MYH9: variants seen among roughly 807,000 people sequenced by gnomAD.
MYH9 encodes the protein myosin-9.
MYH9 carries 29 observed loss-of-function variants against 241.9 expected under a neutral mutation model. That is an observed-to-expected ratio of 0.12 (90% CI 0.09 to 0.16). The LOEUF is 0.16. MYH9 is among the 10% of genes least tolerant of loss of function. The pLI is 1.00. For missense variants in MYH9, 1,803 were observed against 2,595.5 expected, an observed-to-expected ratio of 0.69 and a Z score of 6.63; for synonymous variants, 1,047 against 1,062.6, an observed-to-expected ratio of 0.99 and a Z score of 0.29.
intron 6 of MYH9, 77 bp from the exon 7 acceptor site, chr22:36,321,898 C>T: frequency 7.8e-7 from 1 of 1,289,782 alleles, no homozygotes; most frequent in Non-Finnish European, 1.1e-6. Context: ...AGACCACAGC[C>T]CCCCGCCCCA....
intron 14 of MYH9, among the ~76,000 whole-genome samples, chr22:36,311,203 G>T (rs956017444): frequency 6.6e-6 from 1 of 152,230 alleles, no homozygotes; most frequent in Non-Finnish European, 1.5e-5. Context: ...ACCAGCTTTT[G>T]TCTAAGCATG....
chr22:36,324,766 G>A (rs1019045320), intron 5 of MYH9, among the ~76,000 whole-genome samples: 5 of 152,238 alleles, frequency 3.3e-5, no homozygotes, highest in African/African-American at 4.8e-5. Context: ...GAAGCCTGGG[G>A]CAACCTACTC....
rs2017512744 is a variant in MYH9 at position 36,337,158 on chromosome 22, G to T, written c.490+4212C>A. On this transcript the variant is annotated intron_variant, in intron 3 of 40. Coordinates refer to ENST00000216181, the MANE Select transcript of MYH9 (RefSeq NM_002473.6). ...GTAGTTCTTAACTGGGAATAATCTT[G>T]CCCCCCACGGAAACTTGATGGCAAT... Among the ~76,000 whole-genome samples the T allele has an allele frequency of 2.0e-5, 3 of 152,126 alleles. 1 individual carries two copies. In the South Asian group the frequency reaches 6.2e-4, roughly 31 times the overall value.
intron 31 of MYH9, among the ~76,000 whole-genome samples, chr22:36,291,276 T>G (rs2016696915): frequency 1.3e-5 from 2 of 152,318 alleles, no homozygotes; most frequent in African/African-American, 2.4e-5. Context: ...AATCGGATGG[T>G]TGCCGTGTCT....
chr22:36,353,248 A>G (rs1348777018), intron 1 of MYH9, among the ~76,000 whole-genome samples: 1 of 152,210 alleles, frequency 6.6e-6, no homozygotes, highest in Admixed American at 6.5e-5. Context: ...AAGAGCTGCT[A>G]AAAATTCAAT....
Position 36,294,126 on chromosome 22 carries a change from C to A in MYH9, c.3803G>T (p.Arg1268Leu). 6.2e-6 allele frequency: 10 copies of A among 1,611,006 alleles called. No homozygotes were observed. Among genetic ancestry groups the A allele is most frequent in the Non-Finnish European group, 7.6e-6 (9 of 1,179,962 alleles). Reference sequence around the variant, plus strand: ...GGTGACCTTGTCGGCCAGCTCTGTGCGCACGCGCTCTCCCTCGTTGAACTT... The same window carrying A: ...GGTGACCTTGTCGGCCAGCTCTGTGAGCACGCGCTCTCCCTCGTTGAACTT... The part of the protein sequence containing the change: ...QVKFNEGERV[R>L]TELADKVTKL... The change falls in exon 28 of 41, where the codon CGC becomes CTC. Residue 1268 changes from arginine (R) to leucine (L), a missense_variant. Physicochemically the swap from Arg to Leu is moderately radical, Grantham distance 102. Coordinates refer to ENST00000216181, the MANE Select transcript of MYH9 (RefSeq NM_002473.6).
At chr22:36,385,706 CA>C in intron 1 of MYH9, among the ~76,000 whole-genome samples, 1 of 152,204 alleles carries the variant, frequency 6.6e-6, no homozygotes. Flanking sequence ...GCTCTCCAGA[CA>C]CCTGGCTCTG....
At chr22:36,310,897 G>A (rs2017052485) in intron 14 of MYH9, among the ~76,000 whole-genome samples, 1 of 152,224 alleles carries the variant, frequency 6.6e-6, no homozygotes, top group South Asian at 2.1e-4. Context: ...AACATTCCTT[G>A]GTTAATGGTG....
rs1008510812 is a variant in MYH9, at chr22:36,330,779, G to C, written c.491-3291C>G. Among the ~76,000 whole-genome samples, 2 of 152,002 alleles carry C rather than the reference G, an allele frequency of 1.3e-5. No individual in the cohort carries two copies. The highest frequency in any genetic ancestry group is 2.9e-5 in the Non-Finnish European group (2 of 68,000). On this transcript the variant is annotated intron_variant, in intron 3 of 40. Transcript: ENST00000216181. The surrounding 1 kb of genome is among the most constrained non-coding windows in gnomAD (Gnocchi z 4.5). ...CCTTATTTGGCCTGTAAGGACTGAA[G>C]GCTTATTTGAAAACGCCCTTCCTTC...
chr22:36,348,292 T>C (rs1442680437), intron 2 of MYH9, among the ~76,000 whole-genome samples: 1 of 151,070 alleles, frequency 6.6e-6, no homozygotes, highest in Non-Finnish European at 1.5e-5. Flanking sequence ...GTGGATCACC[T>C]GAGGTCAGGC....
chr22:36,380,604 G>A (rs1010920943), intron 1 of MYH9, among the ~76,000 whole-genome samples: 1 of 152,134 alleles, frequency 6.6e-6, no homozygotes, highest in Non-Finnish European at 1.5e-5. Context: ...AGCCAGGCGT[G>A]GTGACAGGTG....
At chr22:36,379,887 G>A (rs894915933) in intron 1 of MYH9, among the ~76,000 whole-genome samples, 2 of 152,238 alleles carry the variant, frequency 1.3e-5, no homozygotes. Flanking sequence ...TCTCAGGCTC[G>A]AGAAGCTAAT....
chr22:36,382,940 G>A (rs1037279295), intron 1 of MYH9, among the ~76,000 whole-genome samples: 1 of 152,084 alleles, frequency 6.6e-6, no homozygotes, highest in African/African-American at 2.4e-5. Context: ...ATCAAACCTG[G>A]CCAGGTGCAG....
Position 36,284,445 on chromosome 22 carries a change from C to T in MYH9, c.5550G>A (p.Gln1850=). ...CGGCGTTCCTCCGCTCGTCATCCAC[C>T]TGCAGCAGCACATCCTTCAGCTTCT... ...TEKKLKDVLL[Q]VDDERRNAEQ... The change falls in exon 39 of 41, where the codon CAG becomes CAA. Residue 1850 remains glutamine, a synonymous_variant. Transcript: ENST00000216181. 1.2e-6 allele frequency: 2 copies of T among 1,613,608 alleles called. No homozygotes were observed. The highest frequency in any genetic ancestry group is 8.5e-7 in the Non-Finnish European group (1 of 1,180,042).
intron 1 of MYH9, among the ~76,000 whole-genome samples, chr22:36,374,890 G>A (rs138393759): frequency 2.0e-3 from 302 of 152,250 alleles, no homozygotes; most frequent in Non-Finnish European, 3.4e-3. Context: ...GCAACTGAAC[G>A]AGGTCCCACC....
chr22:36,350,603 TCA>T, intron 1 of MYH9, among the ~76,000 whole-genome samples: 1 of 152,382 alleles, frequency 6.6e-6, no homozygotes, highest in Non-Finnish European at 1.5e-5. Flanking sequence ...TGAAATGCTT[TCA>T]CACATATTTC....
chr22:36,319,709 C>A, intron 9 of MYH9, 74 bp from the exon 10 acceptor site: 1 of 1,426,164 alleles, frequency 7.0e-7, no homozygotes, highest in South Asian at 1.2e-5. Flanking sequence ...GGCCACTCAT[C>A]TAGGGATCCT....
At chr22:36,319,162 G>C (rs1556636922) in intron 10 of MYH9, among the ~76,000 whole-genome samples, 1 of 152,180 alleles carries the variant, frequency 6.6e-6, no homozygotes, top group Non-Finnish European at 1.5e-5. Context: ...GTCATTTGCA[G>C]CAACCCTAAC....
rs369988549 is a variant in MYH9, at chr22:36,371,239, C to T, written c.-20+16568G>A. Among the ~76,000 whole-genome samples, 30 of 152,256 alleles carry T rather than the reference C, an allele frequency of 2.0e-4. No homozygotes were observed. In the South Asian group the frequency reaches 2.7e-3, roughly 14 times the overall value. ...ATGTGACTGGTATTTGAGGACAGGG[C>T]CTTGGAAGAGGTAATTAAGTTAAAA... On this transcript the variant is annotated intron_variant, in intron 1 of 40. Coordinates refer to ENST00000216181, the MANE Select transcript of MYH9 (RefSeq NM_002473.6).
Sources: allele counts gnomAD v4.1 joint callset (sites outside exome capture counted in the v4.1 genomes callset), GRCh38; gene constraint gnomAD v4.1.1; non-coding constraint Gnocchi (gnomAD v3.1); transcripts MANE v1.5; gene names NCBI Gene and HGNC (gene_info 2026-07-23, HGNC 2026-07-21).